The following SATB1 variants were observed in gnomAD, a reference collection of about 807,000 sequenced individuals.
SATB1 encodes DNA-binding protein SATB1.
A neutral mutation model predicts 86.9 loss-of-function variants in SATB1; 11 were observed. The ratio of observed to expected loss-of-function variants is 0.13; its 90% CI spans 0.08 to 0.21. The LOEUF is 0.21. Ranked by LOEUF, SATB1 falls within the 10% of genes least tolerant of loss-of-function variation. SATB1 has a pLI of 1.00. For synonymous variants in SATB1, 357 were observed against 357.2 expected (o/e 1.00, Z 0.01); for missense variants, 551 against 937.6 (o/e 0.59, Z 5.39).
At chr3:18,415,966 T>C (rs1553624930) in intron 4 of SATB1, 41 bp downstream of exon 4, 1 of 1,524,250 alleles carries the variant, frequency 6.6e-7, no homozygotes, top group Non-Finnish European at 8.9e-7. Flanking sequence ...AAAGACCAGG[T>C]AAGAAGAATG....
At chr3:18,431,917 C>A (rs1235317549) in intron 2 of SATB1, among the ~76,000 whole-genome samples, 1 of 152,018 alleles carries the variant, frequency 6.6e-6, no homozygotes, top group East Asian at 1.9e-4. Context: ...TACTGGGGTG[C>A]CAGAAATCCT....
At chr3:18,355,412 C>T (rs964922587) in intron 9 of SATB1, among the ~76,000 whole-genome samples, 1 of 151,956 alleles carries the variant, frequency 6.6e-6, no homozygotes, top group African/African-American at 2.4e-5. Flanking sequence ...CAGAAAATGA[C>T]TAAAGAAGCC....
Position 18,346,843 on chromosome 3 carries a change from G to A in SATB1, c.*2327C>T, listed in dbSNP as rs1040075081. On this transcript the variant is annotated 3_prime_UTR_variant, in exon 11 of 11. Coordinates refer to ENST00000338745, the MANE Select transcript of SATB1 (RefSeq NM_002971.6). ...AGAGGAAGATAACTTCATGGCATTT[G>A]AGTTTCTATTTTATTTCCTATTTTT... 2.6e-5 allele frequency: 4 copies of A among 152,050 alleles called. No individual in the cohort carries two copies. The highest frequency in any genetic ancestry group is 9.7e-5 in the African/African-American group (4 of 41,398). 9.4% of individuals were successfully genotyped at this position (152,050 alleles called of 1,614,324 possible).
At chr3:18,399,922 G>A (rs941859175) in intron 5 of SATB1, among the ~76,000 whole-genome samples, 12 of 152,128 alleles carry the variant, frequency 7.9e-5, no homozygotes, top group South Asian at 2.1e-4. Flanking sequence ...GTGTGTGGGC[G>A]TGGGCGTGTG....
At chr3:18,365,559 C>A (rs1393965028) in intron 9 of SATB1, among the ~76,000 whole-genome samples, 1 of 152,166 alleles carries the variant, frequency 6.6e-6, no homozygotes, top group Non-Finnish European at 1.5e-5. Flanking sequence ...CATGGCTATA[C>A]AGTCTTTGTC....
chr3:18,406,224 T>G (rs551567442), intron 5 of SATB1, among the ~76,000 whole-genome samples: 3 of 151,972 alleles, frequency 2.0e-5, no homozygotes, highest in Non-Finnish European at 4.4e-5. Context: ...ACAGCTGACT[T>G]TAAAACACTG....
At chr3:18,397,613 T>A (rs559536989) in intron 5 of SATB1, among the ~76,000 whole-genome samples, 1 of 152,166 alleles carries the variant, frequency 6.6e-6, no homozygotes, top group Non-Finnish European at 1.5e-5. Flanking sequence ...TCCAAATACA[T>A]GAAGATGACT....
chr3:18,350,826 T>G (rs1000701877), intron 10 of SATB1: 4 of 157,062 alleles, frequency 2.5e-5, no homozygotes, highest in African/African-American at 9.7e-5. Context: ...TTTATTACTG[T>G]TTTTAGTTAT....
chr3:18,391,590 C>T (rs1696677898), intron 7 of SATB1, among the ~76,000 whole-genome samples: 1 of 140,280 alleles, frequency 7.1e-6, no homozygotes, highest in Admixed American at 7.8e-5. Flanking sequence ...CATGTGATCT[C>T]ATTGTTCAAT....
upstream of SATB1, among the ~76,000 whole-genome samples, chr3:18,428,855 ACATT>A (rs1559464131): frequency 6.6e-6 from 1 of 152,240 alleles, no homozygotes; most frequent in African/African-American, 2.4e-5. Context: ...GCATTAAAAC[ACATT>A]CAGAGTTCTG....
At chr3:18,370,560 G>GAAAAAAAAAAAAAAAGAAAAAAA (rs1384148739) in intron 9 of SATB1, among the ~76,000 whole-genome samples, 1 of 72,488 alleles carries the variant, frequency 1.4e-5, no homozygotes, top group African/African-American at 5.1e-5. Flanking sequence ...AAAGAAAAAA[G>GAAAAAAAAAAAAAAAGAAAAAAA]AAAAAGAAAA....
At chr3:18,422,033 A>G (rs1304274990) in intron 1 of SATB1, among the ~76,000 whole-genome samples, 2 of 152,172 alleles carry the variant, frequency 1.3e-5, no homozygotes, top group South Asian at 4.1e-4. Flanking sequence ...TGATTAGACA[A>G]TATCAAAGTC....
At chr3:18,377,160 T>C (rs1410835892) in intron 9 of SATB1, among the ~76,000 whole-genome samples, 1 of 152,190 alleles carries the variant, frequency 6.6e-6, no homozygotes, top group Non-Finnish European at 1.5e-5. Flanking sequence ...GTTACAAATA[T>C]ATCGGATTAT....
At chr3:18,436,528 A>G (rs1404642330) in intron 2 of SATB1, among the ~76,000 whole-genome samples, 1 of 150,166 alleles carries the variant, frequency 6.7e-6, no homozygotes, top group Non-Finnish European at 1.5e-5. Flanking sequence ...AAAAAAAATC[A>G]TCCAATTATC....
Position 18,394,816 on chromosome 3 carries a change from G to A in SATB1, c.852C>T (p.Ser284=), listed in dbSNP as rs2125116442. The change falls in exon 7 of 11, where the codon TCC becomes TCT. Residue 284 remains serine, a synonymous_variant. Coordinates refer to ENST00000338745, the MANE Select transcript of SATB1 (RefSeq NM_002971.6). This position sits in a 1 kb window ranked among gnomAD's most constrained non-coding sequence, Gnocchi z 5.9. ...VPGNTAEQPP[S]PAQLSHGSQP... ...GGCTGCCATGGGAGAGCTGCGCAGGGGATGGAGGCTGCTCGGCTGTGTTCC... is the reference window on the plus strand; with the variant it reads ...GGCTGCCATGGGAGAGCTGCGCAGGAGATGGAGGCTGCTCGGCTGTGTTCC... The A allele has an allele frequency of 6.2e-7, 1 of 1,614,146 alleles. No individual in the cohort carries two copies. The highest frequency in any genetic ancestry group is 8.5e-7 in the Non-Finnish European group (1 of 1,180,030).
chr3:18,407,661 A>G (rs1006028940), intron 5 of SATB1, among the ~76,000 whole-genome samples: 1 of 152,038 alleles, frequency 6.6e-6, no homozygotes, highest in Non-Finnish European at 1.5e-5. Context: ...GCTGGCCACA[A>G]CATAACTCAC....
chr3:18,386,853 T>C lies in SATB1; in HGVS notation c.1207-242A>G, dbSNP rs1302371989. Among the ~76,000 whole-genome samples, 1 of 152,202 alleles carries C rather than the reference T, an allele frequency of 6.6e-6. No homozygotes were observed. The highest frequency in any genetic ancestry group is 1.5e-5 in the Non-Finnish European group (1 of 68,026). ...GAAACTGCCTAATTGGTCTCCTTCC[T>C]TTGAGTAGCTTAACTTGCCATGAAA... is the stretch of plus-strand genomic sequence containing the variant. On this transcript the variant is annotated intron_variant, in intron 7 of 10. Transcript: ENST00000338745. This position sits in a 1 kb window ranked among gnomAD's most constrained non-coding sequence, Gnocchi z 4.5.
chr3:18,392,529 C>G (rs1170368772), intron 7 of SATB1, among the ~76,000 whole-genome samples: 4 of 151,666 alleles, frequency 2.6e-5, no homozygotes, highest in African/African-American at 9.7e-5. Context: ...TTTAAGACAC[C>G]AGTAACTATA....
intron 9 of SATB1, among the ~76,000 whole-genome samples, chr3:18,370,368 C>T (rs1695406516): frequency 6.6e-6 from 1 of 151,854 alleles, no homozygotes; most frequent in Non-Finnish European, 1.5e-5. Flanking sequence ...TCCCCTTTCC[C>T]TCTGTTAAAT....
Sources: allele counts gnomAD v4.1 joint callset (sites outside exome capture counted in the v4.1 genomes callset), GRCh38; gene constraint gnomAD v4.1.1; non-coding constraint Gnocchi (gnomAD v3.1); transcripts MANE v1.5; gene names NCBI Gene and HGNC (gene_info 2026-07-23, HGNC 2026-07-21).